SPIDR: variants seen among roughly 807,000 people sequenced by gnomAD.
SPIDR encodes the protein scaffold protein involved in DNA repair.
SPIDR carries 93 observed loss-of-function variants against 104.6 expected under a neutral mutation model. The observed-to-expected ratio is 0.89, with a 90% CI of 0.75 to 1.06. SPIDR has a LOEUF of 1.06. Ranked by LOEUF, SPIDR falls within the 50% of genes least tolerant of loss-of-function variation. SPIDR has a pLI of 0.00. For synonymous variants in SPIDR, 431 were observed against 416.9 expected, an observed-to-expected ratio of 1.03 and a Z score of -0.41; for missense variants, 1,154 against 1,111.2, an observed-to-expected ratio of 1.04 and a Z score of -0.55.
intron 8 of SPIDR, 112 bp downstream of exon 8, chr8:47,440,654 A>T (rs2069241207): frequency 1.3e-5 from 14 of 1,079,452 alleles, no homozygotes; most frequent in Non-Finnish European, 1.7e-5. Context: ...ATGCGAGAGG[A>T]AGAGAGCCAG....
chr8:47,596,156 G>T (rs766878627), intron 9 of SPIDR, 150 bp downstream of exon 9: 4 of 643,684 alleles, frequency 6.2e-6, no homozygotes, highest in Non-Finnish European at 1.1e-5. Flanking sequence ...TTACTGTTAC[G>T]CCTGAATATA....
intron 8 of SPIDR, among the ~76,000 whole-genome samples, chr8:47,462,222 C>T (rs537356341): frequency 3.2e-4 from 49 of 152,230 alleles, no homozygotes; most frequent in African/African-American, 1.0e-3. Flanking sequence ...GCCAAGCCCT[C>T]GACTAGTACC....
intron 5 of SPIDR, among the ~76,000 whole-genome samples, chr8:47,347,378 A>G (rs1316037044): frequency 6.6e-6 from 1 of 152,170 alleles, no homozygotes; most frequent in African/African-American, 2.4e-5. Context: ...TATGTGGTGA[A>G]TTTTGGAATA....
At chr8:47,731,203 C>T (rs960476283) in intron 19 of SPIDR, among the ~76,000 whole-genome samples, 1 of 151,478 alleles carries the variant, frequency 6.6e-6, no homozygotes, top group Admixed American at 6.6e-5. Context: ...TTGCAGTGAG[C>T]TGAGATTGTG....
At chr8:47,735,281 AAC>A in intron 19 of SPIDR, 24 bp from the exon 20 acceptor site, 1 of 1,612,248 alleles carries the variant, frequency 6.2e-7, no homozygotes, top group South Asian at 1.1e-5. Flanking sequence ...TGTTTGCTTT[AAC>A]CAGCGTGCCT....
chr8:47,701,208 A>T (rs763440373), intron 12 of SPIDR, among the ~76,000 whole-genome samples: 1 of 152,208 alleles, frequency 6.6e-6, no homozygotes, highest in Non-Finnish European at 1.5e-5. Context: ...CGAGGCAGGC[A>T]GATCACCTGA....
At chr8:47,707,021 G>A (rs753937614) in intron 14 of SPIDR, among the ~76,000 whole-genome samples, 7 of 152,198 alleles carry the variant, frequency 4.6e-5, no homozygotes, top group Non-Finnish European at 1.0e-4. Flanking sequence ...GGGAGGCCGA[G>A]GCAGGTACAT....
intron 8 of SPIDR, among the ~76,000 whole-genome samples, chr8:47,569,252 C>T (rs12334325): frequency 3.9e-4 from 59 of 152,068 alleles, no homozygotes; most frequent in Admixed American, 1.1e-3. Flanking sequence ...AACAAAGGTG[C>T]CCCAGAATAT....
chr8:47,496,804 G>A (rs2079530617), intron 8 of SPIDR, among the ~76,000 whole-genome samples: 1 of 133,184 alleles, frequency 7.5e-6, no homozygotes, highest in Admixed American at 7.3e-5. Flanking sequence ...GAAACTATCT[G>A]GGCCTATGTT....
intron 5 of SPIDR, among the ~76,000 whole-genome samples, chr8:47,328,995 T>A (rs2048181501): frequency 6.6e-6 from 1 of 151,950 alleles, no homozygotes; most frequent in Non-Finnish European, 1.5e-5. Flanking sequence ...CAAACTCCAC[T>A]TCCTGGGTTC....
chr8:47,696,194 C>T (rs745502174), intron 11 of SPIDR, among the ~76,000 whole-genome samples: 90 of 152,324 alleles, frequency 5.9e-4, no homozygotes, highest in Non-Finnish European at 4.6e-4. Flanking sequence ...ACATCACTTC[C>T]GACTCTTGAA....
chr8:47,621,158 T>C (rs911026593), intron 10 of SPIDR, among the ~76,000 whole-genome samples: 4 of 152,038 alleles, frequency 2.6e-5, no homozygotes, highest in African/African-American at 7.2e-5. Context: ...GGTTTCACCA[T>C]GTTGGCCAGG....
At position 47,521,101 on chromosome 8, in the gene SPIDR, C is replaced by T. The variant is rs901740864; in HGVS notation, c.1098-74710C>T. On this transcript the variant is annotated intron_variant, in intron 8 of 19. Coordinates refer to ENST00000297423, the MANE Select transcript of SPIDR (RefSeq NM_001080394.4). The stretch of plus-strand genomic sequence containing the variant: ...AAGACGTCTGTCAATAGAGAGGCTC[C>T]GAAGAATGGGGTGATACGTCACAAA... Among the ~76,000 whole-genome samples, 10 of 152,240 alleles carry T rather than the reference C, an allele frequency of 6.6e-5. No individual in the cohort carries two copies. In the East Asian group the frequency reaches 9.7e-4, roughly 15 times the overall value.
intron 8 of SPIDR, among the ~76,000 whole-genome samples, chr8:47,568,707 A>G (rs2058182191): frequency 6.6e-6 from 1 of 152,250 alleles, no homozygotes; most frequent in Non-Finnish European, 1.5e-5. Flanking sequence ...AAGGGGCAGA[A>G]AAAATATTTA....
intron 5 of SPIDR, among the ~76,000 whole-genome samples, chr8:47,393,843 CCCTTCCTT>C (rs143426944): frequency 2.0e-5 from 3 of 148,230 alleles, no homozygotes; most frequent in Non-Finnish European, 3.0e-5. Flanking sequence ...CTCTCCCTTT[CCCTTCCTT>C]CCTTCCTTCC....
intron 10 of SPIDR, among the ~76,000 whole-genome samples, chr8:47,615,766 T>C (rs975550507): frequency 3.9e-5 from 6 of 152,186 alleles, no homozygotes; most frequent in Admixed American, 3.9e-4. Flanking sequence ...AAGGATTGCA[T>C]TGAATCACTA....
chr8:47,345,673 C>T (rs1405733934), intron 5 of SPIDR, among the ~76,000 whole-genome samples: 1 of 152,082 alleles, frequency 6.6e-6, no homozygotes, highest in African/African-American at 2.4e-5. Flanking sequence ...TGAAGAGGTC[C>T]TTCAAATCCC....
At chr8:47,390,705 TAATA>T (rs1430875114) in intron 5 of SPIDR, among the ~76,000 whole-genome samples, 8 of 152,234 alleles carry the variant, frequency 5.3e-5, no homozygotes, top group Non-Finnish European at 8.8e-5. Flanking sequence ...AAATATTTCA[TAATA>T]AATAGTCATT....
rs1424060555 is a variant in SPIDR at position 47,713,479 on chromosome 8, C to A, written c.2189-10C>A. On this transcript the variant is annotated splice_polypyrimidine_tract_variant and intron_variant, in intron 15 of 19. Transcript: ENST00000297423. ...AAGGCTTCAATAACCTGAAGTGTCT[C>A]TGTCGGCAGGTCGGATTGTTTGTGC... 1.2e-6 allele frequency: 2 copies of A among 1,614,122 alleles called. No homozygotes were observed. Among genetic ancestry groups the A allele is most frequent in the South Asian group, 2.2e-5 (2 of 91,070 alleles).
Sources: gnomAD v4.1 joint callset for allele counts (sites outside exome capture counted in the v4.1 genomes callset) on GRCh38, gnomAD v4.1.1 for gene constraint, MANE v1.5 for transcripts, NCBI Gene and HGNC (gene_info 2026-07-23, HGNC 2026-07-21) for gene names.